STXBP5L: variants seen among roughly 807,000 people sequenced by gnomAD.
The protein encoded by STXBP5L is syntaxin-binding protein 5-like.
A neutral mutation model predicts 144.5 loss-of-function variants in STXBP5L; 65 were observed. The ratio of observed to expected loss-of-function variants is 0.45; its 90% CI spans 0.37 to 0.55. The LOEUF (loss-of-function observed/expected upper bound fraction) is 0.55. STXBP5L is among the 20% of genes least tolerant of loss of function. The pLI, the probability that STXBP5L is intolerant of heterozygous loss-of-function variation, is 0.00. For synonymous variants in STXBP5L, 505 were observed against 469.6 expected (o/e 1.08, Z -0.97); for missense variants, 1,298 against 1,405.5 (o/e 0.92, Z 1.22).
intron 3 of STXBP5L, among the ~76,000 whole-genome samples, chr3:120,990,379 T>A (rs888747226): frequency 5.9e-5 from 9 of 152,176 alleles, no homozygotes; most frequent in African/African-American, 2.2e-4. Flanking sequence ...ATGGCCATAC[T>A]GCCCAAGGTA....
chr3:121,312,299 T>C (rs1411414969), intron 19 of STXBP5L, among the ~76,000 whole-genome samples: 1 of 146,334 alleles, frequency 6.8e-6, no homozygotes, highest in East Asian at 2.0e-4. Context: ...ACTTCATGTC[T>C]AAAACACCAA....
chr3:121,080,954 G>A (rs1375873337), intron 5 of STXBP5L, among the ~76,000 whole-genome samples: 1 of 152,228 alleles, frequency 6.6e-6, no homozygotes, highest in African/African-American at 2.4e-5. Flanking sequence ...CTTCAGATAT[G>A]TTTCCCAAAA....
intron 7 of STXBP5L, among the ~76,000 whole-genome samples, chr3:121,123,069 T>A (rs2107858005): frequency 6.6e-6 from 1 of 151,680 alleles, no homozygotes; most frequent in Non-Finnish European, 1.5e-5. Flanking sequence ...TGTTGTTGCC[T>A]CTTACTTCTA....
chr3:121,195,873 CT>C (rs1354320214), intron 9 of STXBP5L, among the ~76,000 whole-genome samples: 8 of 152,278 alleles, frequency 5.3e-5, no homozygotes, highest in Non-Finnish European at 1.0e-4. Flanking sequence ...GCCCTGCCCC[CT>C]GGGACACATT....
At chr3:121,189,322 C>G (rs998626955) in intron 9 of STXBP5L, among the ~76,000 whole-genome samples, 9 of 152,140 alleles carry the variant, frequency 5.9e-5, no homozygotes, top group Non-Finnish European at 1.5e-5. Flanking sequence ...ATGGTATTGC[C>G]TAGGTTTTCT....
chr3:121,121,390 A>G (rs2044455673), intron 6 of STXBP5L, among the ~76,000 whole-genome samples: 1 of 151,300 alleles, frequency 6.6e-6, no homozygotes, highest in Admixed American at 6.6e-5. Flanking sequence ...ATAATAAAGA[A>G]CCCCATTGTT....
intron 3 of STXBP5L, among the ~76,000 whole-genome samples, chr3:120,992,748 G>A (rs1400676700): frequency 2.6e-5 from 4 of 152,062 alleles, no homozygotes; most frequent in South Asian, 4.1e-4. Context: ...TTTATGAATA[G>A]TGCTGTAATA....
chr3:121,390,155 T>A (rs1271422148), intron 22 of STXBP5L, among the ~76,000 whole-genome samples: 1 of 152,228 alleles, frequency 6.6e-6, no homozygotes, highest in Non-Finnish European at 1.5e-5. Flanking sequence ...CTTCTTTGTC[T>A]CTTTTGACCT....
At chr3:121,100,609 A>T (rs1033755267) in intron 5 of STXBP5L, among the ~76,000 whole-genome samples, 1 of 152,170 alleles carries the variant, frequency 6.6e-6, no homozygotes, top group Non-Finnish European at 1.5e-5. Flanking sequence ...TTAAGAGGAA[A>T]GTTTATAGTA....
chr3:121,147,636 T>C (rs905825353), intron 7 of STXBP5L, among the ~76,000 whole-genome samples: 36 of 152,256 alleles, frequency 2.4e-4, no homozygotes, highest in Middle Eastern at 6.8e-3. Flanking sequence ...ATGTGTCAAC[T>C]TGACTGGGCC....
At chr3:121,294,133 G>A (rs2051555254) in intron 19 of STXBP5L, among the ~76,000 whole-genome samples, 1 of 152,196 alleles carries the variant, frequency 6.6e-6, no homozygotes, top group Non-Finnish European at 1.5e-5. Context: ...ATATTGTGGA[G>A]CCAAAAAGGA....
At position 121,336,580 on chromosome 3, in the gene STXBP5L, C is replaced by T. The variant is rs114042203; in HGVS notation, c.2176+18040C>T. Reference sequence around the variant, plus strand: ...TATTATCTCATACCAGTCAGAATGGCTATTAATAAAAAGTAAAAAAAAAAA... The same window carrying T: ...TATTATCTCATACCAGTCAGAATGGTTATTAATAAAAAGTAAAAAAAAAAA... On this transcript the variant is annotated intron_variant, in intron 20 of 26. Transcript: ENST00000471454. Among the ~76,000 whole-genome samples, 754 of 151,786 alleles carry T rather than the reference C, an allele frequency of 5.0e-3. 2 individuals are homozygous for T. The highest frequency in any genetic ancestry group is 8.5e-3 in the Non-Finnish European group (579 of 67,908).
intron 3 of STXBP5L, among the ~76,000 whole-genome samples, chr3:121,035,098 C>T (rs1946663103): frequency 6.6e-6 from 1 of 151,938 alleles, no homozygotes. Flanking sequence ...TGTTTGAGTT[C>T]TTTGTAGATT....
intron 3 of STXBP5L, among the ~76,000 whole-genome samples, chr3:121,002,013 G>A (rs1010202530): frequency 4.6e-5 from 7 of 152,146 alleles, no homozygotes; most frequent in Non-Finnish European, 1.0e-4. Context: ...ATGCTTTAAT[G>A]AACCTTCAAG....
rs151260794 is a variant in STXBP5L at position 121,005,829 on chromosome 3, C to T, written c.288-35871C>T. 5.1e-3 allele frequency among the ~76,000 whole-genome samples: 783 copies of T among 152,280 alleles called. 11 individuals are homozygous for T. The highest frequency in any genetic ancestry group is 0.016 in the African/African-American group (672 of 41,550). Reference sequence around the variant, plus strand: ...CATGTACCCAGTAGTCATTCAGGAGCAGGTTGTTCAGTTTCCATGTAGTTG... The same window carrying T: ...CATGTACCCAGTAGTCATTCAGGAGTAGGTTGTTCAGTTTCCATGTAGTTG... On this transcript the variant is annotated intron_variant, in intron 3 of 26. Coordinates refer to ENST00000471454, the MANE Select transcript of STXBP5L (RefSeq NM_001308330.2).
intron 20 of STXBP5L, among the ~76,000 whole-genome samples, chr3:121,355,822 G>A (rs1036885178): frequency 6.6e-6 from 1 of 152,174 alleles, no homozygotes; most frequent in East Asian, 1.9e-4. Flanking sequence ...CATCTATGTG[G>A]TCTTATCTAC....
intron 3 of STXBP5L, among the ~76,000 whole-genome samples, chr3:120,986,974 A>G (rs956965869): frequency 3.2e-4 from 49 of 152,110 alleles, no homozygotes; most frequent in Non-Finnish European, 5.6e-4. Flanking sequence ...CAACATGTGT[A>G]TAGTGGGAAT....
chr3:121,313,889 C>T lies in STXBP5L; in HGVS notation c.2111-4586C>T, dbSNP rs901632620. ...TTCCTCACTTCTCAGACGGAGCGGC[C>T]GGGCAGAGACGCTCCTCACCTCCCA... On this transcript the variant is annotated intron_variant, in intron 19 of 26. Transcript: ENST00000471454. 1.5e-4 allele frequency among the ~76,000 whole-genome samples: 22 copies of T among 144,856 alleles called. No homozygotes were observed. The East Asian group carries it at 3.5e-3, about 23-fold the overall frequency.
intron 2 of STXBP5L, among the ~76,000 whole-genome samples, chr3:120,936,678 C>A (rs1395434270): frequency 1.3e-5 from 2 of 151,736 alleles, no homozygotes; most frequent in African/African-American, 4.8e-5. Context: ...GGCGTGATCT[C>A]GGTTCACCAC....
Sources: allele counts gnomAD v4.1 joint callset (sites outside exome capture counted in the v4.1 genomes callset), GRCh38; gene constraint gnomAD v4.1.1; transcripts MANE v1.5; gene names NCBI Gene and HGNC (gene_info 2026-07-23, HGNC 2026-07-21).